NKAIN3: variants seen among roughly 807,000 people sequenced by gnomAD.
NKAIN3 encodes sodium/potassium-transporting ATPase subunit beta-1-interacting protein 3.
In NKAIN3, 25 loss-of-function variants were observed where a neutral mutation model predicts 30.2. That is an observed-to-expected ratio of 0.83 (90% confidence interval 0.60 to 1.16). The LOEUF (loss-of-function observed/expected upper bound fraction) is 1.16, where lower values mean the gene tolerates loss of function less well. NKAIN3 is among the 50% of genes most tolerant of loss of function. The pLI is 0.00. For missense variants in NKAIN3, 225 were observed against 254.1 expected (o/e 0.89, Z 0.78); for synonymous variants, 91 against 89.6 (o/e 1.02, Z -0.09).
At chr8:62,329,792 A>T (rs549860597) in intron 1 of NKAIN3, among the ~76,000 whole-genome samples, 2 of 152,276 alleles carry the variant, frequency 1.3e-5, no homozygotes, top group East Asian at 1.9e-4. Flanking sequence ...ATAGCACTGC[A>T]GTGAACATAC....
intron 3 of NKAIN3, among the ~76,000 whole-genome samples, chr8:62,613,680 G>T (rs931497547): frequency 2.0e-5 from 3 of 151,938 alleles, no homozygotes; most frequent in African/African-American, 4.8e-5. Flanking sequence ...CCATTTTCTA[G>T]ATTGTTTAGG....
At position 62,990,053 on chromosome 8, in the gene NKAIN3, C is replaced by A; in HGVS notation, c.533-9178C>A. The A allele has an allele frequency of 5.2e-6, 3 of 577,868 alleles. No individual in the cohort carries two copies. The South Asian group carries it at 7.2e-5, about 14-fold the overall frequency. The allele number at this position is 577,868 out of a possible 1,614,324, so 35.8% of individuals were successfully genotyped here. On this transcript the variant is annotated intron_variant, in intron 5 of 5. Transcript: ENST00000519049. Reference sequence around the variant, plus strand: ...ATGAATGTTTAGACTTGATTTCAGGCACTTATATTGACTTTTATTACACTT... The same window carrying A: ...ATGAATGTTTAGACTTGATTTCAGGAACTTATATTGACTTTTATTACACTT...
At chr8:62,622,399 C>G (rs1348107780) in intron 3 of NKAIN3, among the ~76,000 whole-genome samples, 2 of 151,980 alleles carry the variant, frequency 1.3e-5, no homozygotes, top group African/African-American at 2.4e-5. Context: ...TTTACATACC[C>G]ACTATCAATG....
At chr8:62,332,811 G>T (rs1815398133) in intron 1 of NKAIN3, among the ~76,000 whole-genome samples, 1 of 152,090 alleles carries the variant, frequency 6.6e-6, no homozygotes, top group South Asian at 2.1e-4. Context: ...CAGATCACTT[G>T]AGCCCAGGAG....
At chr8:62,797,164 C>A (rs1441582193) in intron 4 of NKAIN3, among the ~76,000 whole-genome samples, 7 of 152,206 alleles carry the variant, frequency 4.6e-5, no homozygotes, top group Non-Finnish European at 7.3e-5. Context: ...TCTTTTCTTA[C>A]AGCTCTTTAG....
intron 1 of NKAIN3, among the ~76,000 whole-genome samples, chr8:62,528,340 AAT>A (rs144331882): frequency 1.8e-4 from 5 of 27,674 alleles, no homozygotes; most frequent in East Asian, 4.6e-4. Context: ...TATATTATAT[AAT>A]ATATATATAT....
In NKAIN3 at chr8:62,863,981, C is replaced by T; in HGVS notation, c.472-54472C>T. 3 of 777,168 alleles carry T rather than the reference C, an allele frequency of 3.9e-6. No homozygotes were observed. The South Asian group carries it at 4.4e-5, about 11-fold the overall frequency. The allele number at this position is 777,168 out of a possible 1,614,324, so 48.1% of individuals were successfully genotyped here. A position where few individuals can be genotyped will look rare whatever the true frequency, so the allele number is the denominator to read the frequency against. ...GGTGGTGGAGGTGGAGGAGAAAGAACTAAAGGAGCTTTCTGTTGAGGCTCC... is the reference window on the plus strand; with the variant it reads ...GGTGGTGGAGGTGGAGGAGAAAGAATTAAAGGAGCTTTCTGTTGAGGCTCC... On this transcript the variant is annotated intron_variant, in intron 4 of 6. Coordinates refer to ENST00000623646, the MANE Select transcript of NKAIN3 (RefSeq NM_001304533.3).
intron 3 of NKAIN3, among the ~76,000 whole-genome samples, chr8:62,640,517 A>G (rs748166581): frequency 2.6e-5 from 4 of 152,122 alleles, no homozygotes; most frequent in Non-Finnish European, 5.9e-5. Flanking sequence ...ACAGTGTGAG[A>G]ATGAACTAAT....
intron 4 of NKAIN3, chr8:62,863,560 C>A: frequency 8.4e-7 from 1 of 1,192,828 alleles, no homozygotes; most frequent in Non-Finnish European, 1.2e-6. Flanking sequence ...CAAGTACTCC[C>A]AAGACCATGC....
chr8:62,575,719 A>G (rs1426481891), intron 1 of NKAIN3, among the ~76,000 whole-genome samples: 2 of 152,176 alleles, frequency 1.3e-5, no homozygotes, highest in East Asian at 3.9e-4. Context: ...AAATTGTACT[A>G]CAGAGCTATA....
intron 1 of NKAIN3, among the ~76,000 whole-genome samples, chr8:62,564,241 C>T (rs974253064): frequency 6.6e-6 from 1 of 151,972 alleles, no homozygotes; most frequent in Admixed American, 6.6e-5. Context: ...ACACAAGGTC[C>T]CTCCTCTAAA....
At chr8:62,866,693 A>G (rs532069792) in intron 4 of NKAIN3, among the ~76,000 whole-genome samples, 3 of 152,256 alleles carry the variant, frequency 2.0e-5, no homozygotes, top group African/African-American at 7.2e-5. Flanking sequence ...CTAGATTGTG[A>G]AAAGCTAACA....
chr8:62,611,669 G>A (rs1035940798), intron 3 of NKAIN3, among the ~76,000 whole-genome samples: 11 of 151,984 alleles, frequency 7.2e-5, no homozygotes, highest in African/African-American at 2.4e-4. Context: ...TACGTACCAC[G>A]TTTTAAAATC....
intron 1 of NKAIN3, among the ~76,000 whole-genome samples, chr8:62,454,301 C>CAAAAAAAAAAAAAAGAAAAAA (rs1805743054): frequency 1.8e-5 from 1 of 56,152 alleles, no homozygotes; most frequent in East Asian, 3.8e-4. Context: ...AGCTGATGTG[C>CAAAAAAAAAAAAAAGAAAAAA]AAAAAAAAAA....
chr8:62,695,194 C>A (rs1814112590), intron 3 of NKAIN3, among the ~76,000 whole-genome samples: 1 of 152,176 alleles, frequency 6.6e-6, no homozygotes, highest in Admixed American at 6.5e-5. Context: ...TATTTCATGA[C>A]ATGTCATTGT....
chr8:62,601,112 A>G (rs951631832), intron 3 of NKAIN3, among the ~76,000 whole-genome samples: 5 of 152,062 alleles, frequency 3.3e-5, no homozygotes, highest in Admixed American at 3.3e-4. Context: ...ATTGTCTTTT[A>G]TAAACATTCA....
chr8:62,322,908 G>A (rs547270878), intron 1 of NKAIN3, among the ~76,000 whole-genome samples: 26 of 152,152 alleles, frequency 1.7e-4, no homozygotes, highest in Admixed American at 5.9e-4. Context: ...AATAAACATA[G>A]GAAAATATGC....
At chr8:62,544,858 ATTT>A (rs1298078198) in intron 1 of NKAIN3, among the ~76,000 whole-genome samples, 28 of 152,212 alleles carry the variant, frequency 1.8e-4, no homozygotes, top group Non-Finnish European at 3.4e-4. Context: ...TGAAATAGTC[ATTT>A]AACACATATT....
At chr8:62,779,511 C>T (rs1817291837) in intron 4 of NKAIN3, among the ~76,000 whole-genome samples, 1 of 151,968 alleles carries the variant, frequency 6.6e-6, no homozygotes, top group South Asian at 2.1e-4. Context: ...AACACAAAGT[C>T]TCACAATCAC....
Sources: gnomAD v4.1 joint callset for allele counts (sites outside exome capture counted in the v4.1 genomes callset) on GRCh38, gnomAD v4.1.1 for gene constraint, MANE v1.5 for transcripts, NCBI Gene and HGNC (gene_info 2026-07-23, HGNC 2026-07-21) for gene names.